Variants in MB21D2 observed in about 807,000 individuals in gnomAD.
The protein encoded by MB21D2 is nucleotidyltransferase MB21D2.
A neutral mutation model predicts 33.3 loss-of-function variants in MB21D2; 9 were observed. The observed-to-expected ratio is 0.27, with a 90% CI of 0.16 to 0.47. The LOEUF is 0.47. Among genes scored for constraint, MB21D2 ranks in the 20% least tolerant of loss-of-function variants. MB21D2 has a pLI of 0.99. For synonymous variants in MB21D2, 241 were observed against 236.3 expected (o/e 1.02, Z -0.18); for missense variants, 540 against 624.6 (o/e 0.86, Z 1.44).
chr3:192,815,312 G>A (rs1440011602), intron 1 of MB21D2, among the ~76,000 whole-genome samples: 3 of 152,146 alleles, frequency 2.0e-5, no homozygotes, highest in Non-Finnish European at 4.4e-5. Flanking sequence ...TGGCACAGGT[G>A]CCAGAAATAG....
intron 1 of MB21D2, among the ~76,000 whole-genome samples, chr3:192,850,133 T>C (rs780267825): frequency 6.6e-6 from 1 of 152,130 alleles, no homozygotes; most frequent in Non-Finnish European, 1.5e-5. Flanking sequence ...TTGGCCAGGC[T>C]GGTCTTGAAC....
At chr3:192,897,243 G>A (rs1713997507) in intron 1 of MB21D2, among the ~76,000 whole-genome samples, 1 of 152,072 alleles carries the variant, frequency 6.6e-6, no homozygotes, top group Admixed American at 6.5e-5. Context: ...AACAAACTAT[G>A]CAACAAACAG....
Position 192,839,536 on chromosome 3 carries a change from A to G in MB21D2, c.212-39886T>C, listed in dbSNP as rs114431315. 8.6e-4 allele frequency among the ~76,000 whole-genome samples: 131 copies of G among 152,370 alleles called. 1 individual carries two copies. Among genetic ancestry groups the G allele is most frequent in the African/African-American group, 3.0e-3 (126 of 41,592 alleles). On this transcript the variant is annotated intron_variant, in intron 1 of 1. Transcript: ENST00000392452. ...GTCCATTTACATTGAAGGTGACAGT[A>G]AGAAGAAATAGCACATAAATATAGA...
intron 1 of MB21D2, among the ~76,000 whole-genome samples, chr3:192,914,076 C>T (rs1714411426): frequency 6.6e-6 from 1 of 152,048 alleles, no homozygotes; most frequent in Non-Finnish European, 1.5e-5. Flanking sequence ...CAAAGCCTTT[C>T]CTCTGGATTT....
intron 1 of MB21D2, among the ~76,000 whole-genome samples, chr3:192,913,159 G>A (rs1175636150): frequency 6.6e-6 from 1 of 152,184 alleles, no homozygotes; most frequent in Non-Finnish European, 1.5e-5. Flanking sequence ...ACTCTGGGAG[G>A]TCAAAGCAGG....
intron 1 of MB21D2, among the ~76,000 whole-genome samples, chr3:192,902,589 T>C (rs1714125859): frequency 6.6e-6 from 1 of 152,230 alleles, no homozygotes; most frequent in Non-Finnish European, 1.5e-5. Context: ...AGCAAGTCAC[T>C]GTTCACTAGG....
chr3:192,831,644 A>C (rs1308670738), intron 1 of MB21D2, among the ~76,000 whole-genome samples: 1 of 152,194 alleles, frequency 6.6e-6, no homozygotes, highest in Non-Finnish European at 1.5e-5. Flanking sequence ...TTGCTTTACA[A>C]ATCACTAGAA....
intron 1 of MB21D2, among the ~76,000 whole-genome samples, chr3:192,899,951 C>A (rs1240392929): frequency 6.9e-6 from 1 of 145,408 alleles, no homozygotes; most frequent in East Asian, 2.0e-4. Context: ...GAGGTCTGAG[C>A]TGGAACACAG....
intron 1 of MB21D2, among the ~76,000 whole-genome samples, chr3:192,819,686 C>T (rs1396621127): frequency 6.6e-6 from 1 of 152,176 alleles, no homozygotes; most frequent in East Asian, 1.9e-4. Context: ...TCAGTGCTTA[C>T]AAAAGATCTT....
At chr3:192,859,805 A>G (rs112600758) in intron 1 of MB21D2, among the ~76,000 whole-genome samples, 68 of 152,374 alleles carry the variant, frequency 4.5e-4, no homozygotes, top group Non-Finnish European at 5.7e-4. Context: ...CTGAGACCAC[A>G]GTTAAACATC....
intron 1 of MB21D2, among the ~76,000 whole-genome samples, chr3:192,822,133 A>G (rs552429775): frequency 2.0e-5 from 3 of 151,622 alleles, no homozygotes; most frequent in Admixed American, 2.0e-4. Context: ...CAAGTCCCTG[A>G]GAAGCTAATT....
rs1720536695 is a variant in MB21D2, at chr3:192,797,000, G to GTAAC, written c.*1385_*1386insGTTA. On this transcript the variant is annotated 3_prime_UTR_variant, in exon 2 of 2. Coordinates refer to ENST00000392452, the MANE Select transcript of MB21D2 (RefSeq NM_178496.4). ...GGACATTCAAGACCAAAATGAACAC[G>GTAAC]TTACTTGCCCTTTCTATGAGTAGAC... 2 of 152,512 alleles carry GTAAC rather than the reference G, an allele frequency of 1.3e-5. No individual in the cohort carries two copies. Among genetic ancestry groups the GTAAC allele is most frequent in the African/African-American group, 4.8e-5 (2 of 41,404 alleles). The allele number at this position is 152,512 out of a possible 1,614,324, so 9.4% of individuals were successfully genotyped here. A position where few individuals can be genotyped will look rare whatever the true frequency, so the allele number is the denominator to read the frequency against.
intron 1 of MB21D2, among the ~76,000 whole-genome samples, chr3:192,858,539 C>A (rs564668963): frequency 2.6e-5 from 4 of 152,338 alleles, no homozygotes. Flanking sequence ...ATTCCTTTGA[C>A]AAGTTGTGAA....
intron 1 of MB21D2, among the ~76,000 whole-genome samples, chr3:192,829,106 T>C (rs1302007496): frequency 6.6e-6 from 1 of 152,180 alleles, no homozygotes; most frequent in Non-Finnish European, 1.5e-5. Context: ...GCAATCTCTG[T>C]TCTGATTTAT....
rs939281309 is a variant in MB21D2 at position 192,889,243 on chromosome 3, G to A, written c.211+28387C>T. ...TCTATTAAGATGGTTTCTCTATTAA[G>A]ATGGTTTTGGGGCTGGACCTTCAAA... On this transcript the variant is annotated intron_variant, in intron 1 of 1. Coordinates refer to ENST00000392452, the MANE Select transcript of MB21D2 (RefSeq NM_178496.4). 2.6e-4 allele frequency among the ~76,000 whole-genome samples: 40 copies of A among 152,070 alleles called. 1 individual carries two copies. The highest frequency in any genetic ancestry group is 9.4e-4 in the African/African-American group (39 of 41,328).
intron 1 of MB21D2, among the ~76,000 whole-genome samples, chr3:192,812,204 C>A (rs965187134): frequency 6.6e-6 from 1 of 151,942 alleles, no homozygotes; most frequent in Non-Finnish European, 1.5e-5. Context: ...TGCGCCACCA[C>A]GCCCGGCTAA....
chr3:192,817,179 G>T (rs1044538106), intron 1 of MB21D2, among the ~76,000 whole-genome samples: 1 of 152,088 alleles, frequency 6.6e-6, no homozygotes, highest in African/African-American at 2.4e-5. Context: ...TAGTCATGTG[G>T]TTCAACATTC....
At chr3:192,833,750 G>A (rs889609880) in intron 1 of MB21D2, among the ~76,000 whole-genome samples, 2 of 152,202 alleles carry the variant, frequency 1.3e-5, no homozygotes, top group African/African-American at 2.4e-5. Flanking sequence ...ATACTTTAGA[G>A]CGTGGGATAG....
At chr3:192,805,493 A>AC (rs1711642957) in intron 1 of MB21D2, among the ~76,000 whole-genome samples, 1 of 152,210 alleles carries the variant, frequency 6.6e-6, no homozygotes, top group African/African-American at 2.4e-5. Context: ...TGATTAATTC[A>AC]CGTATGGTAA....
Sources: gnomAD v4.1 joint callset for allele counts (sites outside exome capture counted in the v4.1 genomes callset) on GRCh38, gnomAD v4.1.1 for gene constraint, MANE v1.5 for transcripts, NCBI Gene and HGNC (gene_info 2026-07-23, HGNC 2026-07-21) for gene names.